The following NACC2 variants were observed in gnomAD, a reference collection of about 807,000 sequenced individuals.
The protein encoded by NACC2 is nucleus accumbens-associated protein 2.
In NACC2, 8 loss-of-function variants were observed where a neutral mutation model predicts 25.1. The ratio of observed to expected loss-of-function variants is 0.32; its 90% confidence interval spans 0.19 to 0.57. NACC2 has a LOEUF of 0.57. NACC2 is among the 20% of genes least tolerant of loss of function. The probability of loss-of-function intolerance (pLI) is 0.89; values close to 1 mark genes in which losing one functional copy is unlikely to be tolerated. For synonymous variants in NACC2, 435 were observed against 294.7 expected, an observed-to-expected ratio of 1.48 and a Z score of -4.88; for missense variants, 644 against 650.2, an observed-to-expected ratio of 0.99 and a Z score of 0.10.
intron 2 of NACC2, among the ~76,000 whole-genome samples, chr9:136,028,489 C>A (rs1460679705): frequency 6.6e-6 from 1 of 151,358 alleles, no homozygotes; most frequent in East Asian, 1.9e-4. Context: ...AATTTTTCTG[C>A]CTCAGCCTCC....
At chr9:136,021,865 A>G (rs1840300043) in intron 2 of NACC2, among the ~76,000 whole-genome samples, 1 of 152,334 alleles carries the variant, frequency 6.6e-6, no homozygotes, top group African/African-American at 2.4e-5. Flanking sequence ...TGGTGATCCC[A>G]TTTGTATGAC....
chr9:136,020,583 G>C lies in NACC2; in HGVS notation c.887-4154C>G, dbSNP rs971845816. On this transcript the variant is annotated intron_variant, in intron 2 of 5. Transcript: ENST00000277554. This position sits in a 1 kb window ranked among gnomAD's most constrained non-coding sequence, Gnocchi z 4.7. ...ACGGGGAGGCCTACTCCCTAAAAGT[G>C]TATACCATTTGTTAAAATGCACCAC... Among the ~76,000 whole-genome samples, 1 of 152,230 alleles carries C rather than the reference G, an allele frequency of 6.6e-6. No individual in the cohort carries two copies. Among genetic ancestry groups the C allele is most frequent in the African/African-American group, 2.4e-5 (1 of 41,462 alleles).
At chr9:136,077,290 A>AT (rs1249639733) in intron 1 of NACC2, among the ~76,000 whole-genome samples, 1 of 152,202 alleles carries the variant, frequency 6.6e-6, no homozygotes, top group Non-Finnish European at 1.5e-5. Flanking sequence ...AGATTGCGCC[A>AT]TTGCACTCCA....
rs1410671978 is a variant in NACC2 at position 136,009,314 on chromosome 9, C to G, written c.*2202G>C. ...GCGGGCCCCATGGGGGCTCCAACCC[C>G]ACCTGTGCCCAAGACAGGGGAGGAA... is the stretch of plus-strand genomic sequence containing the variant. On this transcript the variant is annotated 3_prime_UTR_variant, in exon 6 of 6. Coordinates refer to ENST00000277554, the MANE Select transcript of NACC2 (RefSeq NM_144653.5). 2 of 152,322 alleles carry G rather than the reference C, an allele frequency of 1.3e-5. No homozygotes were observed. The highest frequency in any genetic ancestry group is 4.8e-5 in the African/African-American group (2 of 41,470). The allele number at this position is 152,322 out of a possible 1,614,324, so 9.4% of individuals were successfully genotyped here.
chr9:136,060,772 G>C (rs1001188996), intron 1 of NACC2, among the ~76,000 whole-genome samples: 3 of 152,218 alleles, frequency 2.0e-5, no homozygotes, highest in African/African-American at 7.2e-5. Context: ...CCCTGGGCAC[G>C]TCCCCACCAG....
chr9:136,034,239 G>A (rs1230592038), intron 2 of NACC2, among the ~76,000 whole-genome samples: 3 of 152,050 alleles, frequency 2.0e-5, no homozygotes, highest in South Asian at 2.1e-4. Context: ...AAAGTAAAAC[G>A]GGAACAAGTG....
intron 2 of NACC2, among the ~76,000 whole-genome samples, chr9:136,021,710 T>G (rs188333959): frequency 6.6e-6 from 1 of 152,228 alleles, no homozygotes; most frequent in Non-Finnish European, 1.5e-5. Flanking sequence ...CCGGATGTCC[T>G]GCAATGGGCA....
Position 136,050,874 on chromosome 9 carries a change from C to T in NACC2, c.-59-294G>A, listed in dbSNP as rs959791074. 3.9e-5 allele frequency among the ~76,000 whole-genome samples: 6 copies of T among 152,262 alleles called. No individual in the cohort carries two copies. The South Asian group carries it at 6.2e-4, about 16-fold the overall frequency. On this transcript the variant is annotated intron_variant, in intron 1 of 5. Coordinates refer to ENST00000277554, the MANE Select transcript of NACC2 (RefSeq NM_144653.5). ...GGGGCTGCTCTTAGCGACTCGGTCTCAGCAGGCGAGGAGGAGCGCAGGCCT... is the reference window on the plus strand; with the variant it reads ...GGGGCTGCTCTTAGCGACTCGGTCTTAGCAGGCGAGGAGGAGCGCAGGCCT...
intron 2 of NACC2, among the ~76,000 whole-genome samples, chr9:136,042,667 C>T (rs566816363): frequency 2.6e-5 from 4 of 151,588 alleles, no homozygotes; most frequent in Non-Finnish European, 2.9e-5. Flanking sequence ...CAGAAACACA[C>T]ACAGACACAC....
chr9:136,031,788 T>C (rs1022512176), intron 2 of NACC2, among the ~76,000 whole-genome samples: 1 of 152,210 alleles, frequency 6.6e-6, no homozygotes, highest in Non-Finnish European at 1.5e-5. Context: ...AAATGTATGA[T>C]CTCATCCCAT....
rs1200290783 is a variant in NACC2 at position 136,007,449 on chromosome 9, ACACG to A, written c.*4063_*4066del. On this transcript the variant is annotated 3_prime_UTR_variant, in exon 6 of 6. Coordinates refer to ENST00000277554, the MANE Select transcript of NACC2 (RefSeq NM_144653.5). ...CACACATACACACAGACGCGCACAC[ACACG>A]CGCACACAGACGCACACACACAGAC... The A allele has an allele frequency of 8.4e-6, 1 of 119,738 alleles. No individual in the cohort carries two copies. Among genetic ancestry groups the A allele is most frequent in the Admixed American group, 7.9e-5 (1 of 12,712 alleles). 7.4% of individuals were successfully genotyped at this position (119,738 alleles called of 1,614,324 possible).
chr9:136,051,201 C>T (rs1588572244), intron 1 of NACC2, among the ~76,000 whole-genome samples: 1 of 152,196 alleles, frequency 6.6e-6, no homozygotes, highest in African/African-American at 2.4e-5. Context: ...CCGGGAAGTC[C>T]GCTGAAGCCG....
At chr9:136,051,045 G>A (rs911739185) in intron 1 of NACC2, among the ~76,000 whole-genome samples, 39 of 152,202 alleles carry the variant, frequency 2.6e-4, no homozygotes, top group African/African-American at 8.4e-4. Flanking sequence ...GAGGGAGGGA[G>A]GGGGGTCTCT....
chr9:136,027,404 T>G (rs890487082), intron 2 of NACC2, among the ~76,000 whole-genome samples: 4 of 152,162 alleles, frequency 2.6e-5, no homozygotes, highest in African/African-American at 9.7e-5. Flanking sequence ...AGAATATACA[T>G]TTGCCTTCCT....
At chr9:136,049,288 G>A (rs1218957886) in intron 2 of NACC2, among the ~76,000 whole-genome samples, 1 of 152,214 alleles carries the variant, frequency 6.6e-6, no homozygotes, top group Non-Finnish European at 1.5e-5. Flanking sequence ...GGTTAAAGGG[G>A]AAGTAGGCGG....
At chr9:136,083,613 C>T (rs942920598) in intron 1 of NACC2, among the ~76,000 whole-genome samples, 3 of 152,078 alleles carry the variant, frequency 2.0e-5, no homozygotes, top group Non-Finnish European at 2.9e-5. Context: ...GAGGCCAGGC[C>T]GAGACTGGCA....
At position 136,050,054 on chromosome 9, in the gene NACC2, C is replaced by T. The variant is rs1428468804; in HGVS notation, c.468G>A (p.Ala156=). The T allele has an allele frequency of 1.1e-5, 8 of 723,376 alleles. No individual in the cohort carries two copies. The East Asian group carries it at 1.7e-4, about 16-fold the overall frequency. 44.8% of individuals were successfully genotyped at this position (723,376 alleles called of 1,614,324 possible). A position where few individuals can be genotyped will look rare whatever the true frequency, so the allele number is the denominator to read the frequency against. The change falls in exon 2 of 6, where the codon GCG becomes GCA. Residue 156 remains alanine (A), a synonymous_variant. Coordinates refer to ENST00000277554, the MANE Select transcript of NACC2 (RefSeq NM_144653.5). The stretch of plus-strand genomic sequence containing the variant: ...CCGAGGGGGACACGACGTAGGGGGC[C>T]GCGGCGGCGGCGGCCGGCTGCAGCT... ...CNQLQPAAAA[A]APYVVSPSVP... is the part of the protein sequence containing the mutation.
In NACC2 at chr9:136,011,710, G is replaced by A. The variant is rs1840111345; in HGVS notation, c.1570C>T (p.Pro524Ser). 1 of 1,509,774 alleles carries A rather than the reference G, an allele frequency of 6.6e-7. No individual in the cohort carries two copies. The highest frequency in any genetic ancestry group is 1.4e-5 in the African/African-American group (1 of 70,502). 93.5% of individuals were successfully genotyped at this position (1,509,774 alleles called of 1,614,324 possible). Residue 524 changes from proline (P) to serine (S), a missense_variant, in exon 6 of 6, where the codon CCC (proline) becomes TCC (serine). Coordinates refer to ENST00000277554, the MANE Select transcript of NACC2 (RefSeq NM_144653.5). ...ACCTCCTCGCCGGCGTCGAAGGCGG[G>A]GTTGGCGGCGGCACTCAGGTCAACA... Reference protein sequence around the residue: ...VNVDLSAAANPAFDAGEEVDG... With the variant: ...VNVDLSAAANSAFDAGEEVDG...
chr9:136,015,059 G>A (rs763399541), intron 3 of NACC2, among the ~76,000 whole-genome samples: 4 of 152,048 alleles, frequency 2.6e-5, no homozygotes, highest in Non-Finnish European at 4.4e-5. Flanking sequence ...GCCATGGCCC[G>A]TCTCCTGCCC....
Sources: allele counts gnomAD v4.1 joint callset (sites outside exome capture counted in the v4.1 genomes callset), GRCh38; gene constraint gnomAD v4.1.1; non-coding constraint Gnocchi (gnomAD v3.1); transcripts MANE v1.5; gene names NCBI Gene and HGNC (gene_info 2026-07-23, HGNC 2026-07-21).